The following NT5DC1 variants were observed in gnomAD, a reference collection of about 807,000 sequenced individuals.
NT5DC1 encodes the protein 5'-nucleotidase domain-containing protein 1.
A neutral mutation model predicts 59.4 loss-of-function variants in NT5DC1; 42 were observed. The observed-to-expected ratio is 0.71, with a 90% CI of 0.55 to 0.92. The LOEUF (loss-of-function observed/expected upper bound fraction) is 0.92, where lower values mean the gene tolerates loss of function less well. Ranked by LOEUF, NT5DC1 falls within the 40% of genes least tolerant of loss-of-function variation. The probability of loss-of-function intolerance (pLI) is 0.00; values close to 1 mark genes in which losing one functional copy is unlikely to be tolerated. For synonymous variants in NT5DC1, 172 were observed against 188.1 expected (o/e 0.91, Z 0.70); for missense variants, 501 against 537.1 (o/e 0.93, Z 0.66).
chr6:116,121,489 A>G, intron 6 of NT5DC1: 1 of 1,613,578 alleles, frequency 6.2e-7, no homozygotes, highest in Non-Finnish European at 8.5e-7. Flanking sequence ...GTCCTGTGGG[A>G]CCCTGAGGGC....
intron 8 of NT5DC1, among the ~76,000 whole-genome samples, chr6:116,230,828 G>A (rs1582884647): frequency 6.6e-6 from 1 of 152,178 alleles, no homozygotes; most frequent in Admixed American, 6.5e-5. Context: ...TTAGTGCTGA[G>A]GGGTGCAGCT....
chr6:116,178,039 T>C (rs1780771934), intron 6 of NT5DC1, among the ~76,000 whole-genome samples: 1 of 145,820 alleles, frequency 6.9e-6, no homozygotes. Flanking sequence ...TTTCATAACT[T>C]TACAAAGAGG....
chr6:116,219,456 A>G (rs911926309), intron 6 of NT5DC1, among the ~76,000 whole-genome samples: 2 of 152,028 alleles, frequency 1.3e-5, no homozygotes, highest in Non-Finnish European at 2.9e-5. Flanking sequence ...AAACAATTCA[A>G]TGACAGGAGG....
chr6:116,167,531 C>T (rs1366236382), intron 6 of NT5DC1, among the ~76,000 whole-genome samples: 1 of 151,846 alleles, frequency 6.6e-6, no homozygotes, highest in African/African-American at 2.4e-5. Flanking sequence ...CTTTCTAAGG[C>T]AAAAAATATG....
intron 6 of NT5DC1, chr6:116,121,533 C>T: frequency 1.2e-6 from 2 of 1,614,122 alleles, no homozygotes; most frequent in Non-Finnish European, 1.7e-6. Flanking sequence ...CGACCAGGAG[C>T]ACCATATCCC....
At chr6:116,148,633 G>A (rs1779956067) in intron 6 of NT5DC1, among the ~76,000 whole-genome samples, 1 of 151,932 alleles carries the variant, frequency 6.6e-6, no homozygotes, top group Admixed American at 6.6e-5. Flanking sequence ...GTTTTTTTTG[G>A]TTAAGAAATG....
intron 6 of NT5DC1, among the ~76,000 whole-genome samples, chr6:116,205,509 G>T (rs1346702433): frequency 6.6e-6 from 1 of 151,868 alleles, no homozygotes; most frequent in African/African-American, 2.4e-5. Flanking sequence ...TCCCTCTGGA[G>T]CCCCACAGTC....
At chr6:116,141,885 AAC>A (rs3051942) in intron 6 of NT5DC1, among the ~76,000 whole-genome samples, 9,820 of 140,250 alleles carry the variant, frequency 0.07, 323 homozygotes, top group Non-Finnish European at 0.084. Context: ...CCAAAAAGAA[AAC>A]ACACACACAC....
In NT5DC1 at chr6:116,106,410, A is replaced by G. The variant is rs73562590; in HGVS notation, c.185+75A>G. On this transcript the variant is annotated intron_variant, in intron 2 of 11. Coordinates refer to ENST00000319550, the MANE Select transcript of NT5DC1 (RefSeq NM_152729.3). ...TCTAATTGTTACTGATAAAACTGTA[A>G]TGCTTTCTCTTCTAAGAAGATGGAA... The G allele has an allele frequency of 5.8e-3, 4,136 of 709,396 alleles. 143 individuals carry two copies. The African/African-American group carries it at 0.068, about 12-fold the overall frequency. 43.9% of individuals were successfully genotyped at this position (709,396 alleles called of 1,614,324 possible). A position where few individuals can be genotyped will look rare whatever the true frequency, so the allele number is the denominator to read the frequency against.
At chr6:116,120,306 G>T in intron 6 of NT5DC1, 1 of 1,614,162 alleles carries the variant, frequency 6.2e-7, no homozygotes. Context: ...CCTTTCACAT[G>T]CACGTGGTAT....
rs192802458 is a variant in NT5DC1 at position 116,216,851 on chromosome 6, C to G, written c.530-4203C>G. The stretch of plus-strand genomic sequence containing the variant: ...AATTATATCATCTCTACAGCAAGTA[C>G]ATTTAAACAGTTCATCGCTAGGCAT... On this transcript the variant is annotated intron_variant, in intron 6 of 11. Transcript: ENST00000319550. 1.9e-3 allele frequency among the ~76,000 whole-genome samples: 289 copies of G among 152,300 alleles called. 1 individual carries two copies. Among genetic ancestry groups the G allele is most frequent in the Middle Eastern group, 0.014 (4 of 294 alleles).
chr6:116,230,554 C>T (rs1781999576), intron 8 of NT5DC1, among the ~76,000 whole-genome samples: 1 of 152,202 alleles, frequency 6.6e-6, no homozygotes, highest in Admixed American at 6.5e-5. Flanking sequence ...TTAGATTCTG[C>T]ATTTCTAAAT....
At chr6:116,224,903 G>A (rs571384640) in intron 8 of NT5DC1, among the ~76,000 whole-genome samples, 5 of 152,298 alleles carry the variant, frequency 3.3e-5, no homozygotes, top group South Asian at 4.1e-4. Flanking sequence ...CAACTGCAGC[G>A]TCCCTAGTAA....
At chr6:116,149,036 C>G (rs771394861) in intron 6 of NT5DC1, among the ~76,000 whole-genome samples, 1 of 151,996 alleles carries the variant, frequency 6.6e-6, no homozygotes, top group Admixed American at 6.6e-5. Flanking sequence ...GATTTTTAGC[C>G]CATTCCATGT....
chr6:116,211,675 A>G (rs1003265340), intron 6 of NT5DC1, among the ~76,000 whole-genome samples: 1 of 152,116 alleles, frequency 6.6e-6, no homozygotes, highest in Non-Finnish European at 1.5e-5. Context: ...ATTCCTGGAC[A>G]AACTGTGTAC....
chr6:116,121,551 C>A (rs762721417), intron 6 of NT5DC1: 8 of 1,614,030 alleles, frequency 5.0e-6, no homozygotes, highest in Non-Finnish European at 6.8e-6. Context: ...CCCATTTCCC[C>A]TTTCTGTCCA....
intron 6 of NT5DC1, among the ~76,000 whole-genome samples, chr6:116,217,849 A>C (rs1781716457): frequency 6.6e-6 from 1 of 152,156 alleles, no homozygotes; most frequent in African/African-American, 2.4e-5. Context: ...TAGTATGTTT[A>C]ACATAACTCT....
intron 6 of NT5DC1, among the ~76,000 whole-genome samples, chr6:116,140,919 A>G (rs1779748425): frequency 6.6e-6 from 1 of 152,130 alleles, no homozygotes; most frequent in South Asian, 2.1e-4. Context: ...ACTGCTCTGA[A>G]ACTTCTTGTA....
At chr6:116,139,569 ATAT>A (rs1177296657) in intron 6 of NT5DC1, among the ~76,000 whole-genome samples, 1 of 152,188 alleles carries the variant, frequency 6.6e-6, no homozygotes, top group Non-Finnish European at 1.5e-5. Flanking sequence ...GTGTATTGGA[ATAT>A]TAAAAAACAT....
Sources: gnomAD v4.1 joint callset for allele counts (sites outside exome capture counted in the v4.1 genomes callset) on GRCh38, gnomAD v4.1.1 for gene constraint, MANE v1.5 for transcripts, NCBI Gene and HGNC (gene_info 2026-07-23, HGNC 2026-07-21) for gene names.